Variants in CEMIP2 observed in about 807,000 individuals in gnomAD.
CEMIP2 encodes cell surface hyaluronidase CEMIP2.
Under a neutral mutation model 146.9 loss-of-function variants are expected in CEMIP2, and 79 were observed. The ratio of observed to expected loss-of-function variants is 0.54; its 90% CI spans 0.45 to 0.65. The LOEUF (loss-of-function observed/expected upper bound fraction) is 0.65, where lower values mean the gene tolerates loss of function less well. CEMIP2 is among the 30% of genes least tolerant of loss of function. CEMIP2 has a pLI of 0.00. For missense variants in CEMIP2, 1,596 were observed against 1,696.2 expected, an observed-to-expected ratio of 0.94 and a Z score of 1.04; for synonymous variants, 601 against 606.3, an observed-to-expected ratio of 0.99 and a Z score of 0.13.
intron 22 of CEMIP2, chr9:71,686,288 T>C (rs1449961042): frequency 1.2e-5 from 2 of 163,380 alleles, no homozygotes; most frequent in African/African-American, 2.4e-5. Context: ...CAGAACCCTA[T>C]TGGGAACTGC....
intron 1 of CEMIP2, among the ~76,000 whole-genome samples, chr9:71,767,628 T>C (rs573974036): frequency 2.0e-5 from 3 of 152,262 alleles, no homozygotes; most frequent in African/African-American, 4.8e-5. Context: ...GCTAAGGGTG[T>C]AGCCACTAGT....
intron 12 of CEMIP2, among the ~76,000 whole-genome samples, chr9:71,719,602 C>T (rs903723893): frequency 6.6e-6 from 1 of 152,072 alleles, no homozygotes; most frequent in Admixed American, 6.5e-5. Context: ...CAGACAGATG[C>T]ATGTGTGGTA....
intron 4 of CEMIP2, among the ~76,000 whole-genome samples, chr9:71,742,497 A>T (rs1823951304): frequency 6.6e-6 from 1 of 152,214 alleles, no homozygotes; most frequent in African/African-American, 2.4e-5. Context: ...CTATGTGTTT[A>T]TGTACATTGG....
intron 18 of CEMIP2, 67 bp from the exon 19 acceptor site, chr9:71,700,891 AT>A: frequency 7.2e-7 from 1 of 1,397,280 alleles, no homozygotes; most frequent in African/African-American, 1.4e-5. Flanking sequence ...ACTATAGCGT[AT>A]GCAGATAACT....
chr9:71,715,912 C>T (rs28542622), intron 14 of CEMIP2, among the ~76,000 whole-genome samples: 12,533 of 151,536 alleles, frequency 0.083, 541 homozygotes, highest in Middle Eastern at 0.14. Flanking sequence ...AGGTGTGAGC[C>T]GGTATGTCCA....
intron 20 of CEMIP2, among the ~76,000 whole-genome samples, chr9:71,695,438 G>A (rs1157082657): frequency 6.6e-6 from 1 of 152,152 alleles, no homozygotes; most frequent in Non-Finnish European, 1.5e-5. Context: ...GCTTTGGGGG[G>A]CTGAGATGGG....
chr9:71,706,046 T>C (rs779012304), intron 17 of CEMIP2, among the ~76,000 whole-genome samples: 8 of 151,908 alleles, frequency 5.3e-5, no homozygotes, highest in South Asian at 2.1e-4. Flanking sequence ...CTGACCAATA[T>C]GGTGAAATCC....
chr9:71,741,157 G>T (rs1823902231), intron 4 of CEMIP2, among the ~76,000 whole-genome samples: 1 of 148,032 alleles, frequency 6.8e-6, no homozygotes, highest in Non-Finnish European at 1.5e-5. Flanking sequence ...GTCTCCAGGT[G>T]TGCAGGCAAG....
chr9:71,688,608 G>A (rs766532004), intron 22 of CEMIP2, among the ~76,000 whole-genome samples: 3 of 151,702 alleles, frequency 2.0e-5, no homozygotes, highest in African/African-American at 7.3e-5. Flanking sequence ...GGCTGGTCTC[G>A]AACTCCTGAC....
intron 5 of CEMIP2, among the ~76,000 whole-genome samples, chr9:71,737,395 G>A (rs1259595316): frequency 2.0e-5 from 3 of 147,630 alleles, no homozygotes; most frequent in Non-Finnish European, 3.0e-5. Context: ...GTGACAGAGC[G>A]AGACTCCGTC....
intron 19 of CEMIP2, among the ~76,000 whole-genome samples, chr9:71,698,771 A>T (rs967251359): frequency 1.3e-5 from 2 of 152,212 alleles, no homozygotes; most frequent in African/African-American, 4.8e-5. Flanking sequence ...TGAACAGTCC[A>T]TCCCACCCAT....
chr9:71,729,739 C>G, intron 10 of CEMIP2, 106 bp downstream of exon 10: 7 of 1,072,050 alleles, frequency 6.5e-6, no homozygotes, highest in Non-Finnish European at 9.9e-6. Context: ...AAAACAATGT[C>G]ATGCTTGGGT....
At chr9:71,755,451 G>A (rs560981411) in intron 1 of CEMIP2, among the ~76,000 whole-genome samples, 25 of 152,056 alleles carry the variant, frequency 1.6e-4, no homozygotes, top group Non-Finnish European at 3.1e-4. Flanking sequence ...GAGGCAGTGA[G>A]GCAGGAGGAT....
chr9:71,730,639 G>A (rs1823588072), intron 8 of CEMIP2, 66 bp downstream of exon 8: 2 of 1,499,258 alleles, frequency 1.3e-6, no homozygotes, highest in African/African-American at 1.4e-5. Flanking sequence ...AAATTGAGAA[G>A]ACATGAGAAT....
intron 21 of CEMIP2, among the ~76,000 whole-genome samples, chr9:71,691,411 C>CG (rs1445113507): frequency 1.4e-5 from 2 of 138,906 alleles, no homozygotes; most frequent in African/African-American, 5.9e-5. Context: ...GAGTGAGACT[C>CG]TGTCTCAGGA....
chr9:71,707,928 T>C (rs1010053127), intron 17 of CEMIP2, among the ~76,000 whole-genome samples: 2 of 152,222 alleles, frequency 1.3e-5, no homozygotes, highest in African/African-American at 4.8e-5. Context: ...GGCTCACGCC[T>C]GTAATCCCAG....
chr9:71,729,078 G>A (rs1038189348), intron 10 of CEMIP2, among the ~76,000 whole-genome samples: 1 of 151,776 alleles, frequency 6.6e-6, no homozygotes, highest in African/African-American at 2.4e-5. Flanking sequence ...GAGCTCAAGC[G>A]ATCCAACAGC....
At chr9:71,694,645 T>C (rs1822342234) in intron 20 of CEMIP2, 38 bp from the exon 21 acceptor site, 2 of 1,373,724 alleles carry the variant, frequency 1.5e-6, no homozygotes, top group South Asian at 2.3e-5. Flanking sequence ...TGGCAACTCT[T>C]ACCTTCCTCC....
intron 18 of CEMIP2, 145 bp from the exon 19 acceptor site, chr9:71,700,969 G>A (rs1563998308): frequency 4.3e-6 from 3 of 697,682 alleles, no homozygotes; most frequent in Middle Eastern, 4.1e-4. Context: ...TCTTCTGTGT[G>A]TTGGGCCACT....
Sources: gnomAD v4.1 joint callset for allele counts (sites outside exome capture counted in the v4.1 genomes callset) on GRCh38, gnomAD v4.1.1 for gene constraint, MANE v1.5 for transcripts, NCBI Gene and HGNC (gene_info 2026-07-23, HGNC 2026-07-21) for gene names.